The following GMDS variants were observed in gnomAD, a reference collection of about 807,000 sequenced individuals.
GMDS encodes the protein GDP-mannose 4,6 dehydratase.
Under a neutral mutation model 49.9 loss-of-function variants are expected in GMDS, and 20 were observed. The observed-to-expected ratio is 0.40, with a 90% CI of 0.28 to 0.58. The LOEUF (loss-of-function observed/expected upper bound fraction) is 0.58, where lower values mean the gene tolerates loss of function less well. Among genes scored for constraint, GMDS ranks in the 20% least tolerant of loss-of-function variants. GMDS has a pLI of 0.42. For synonymous variants in GMDS, 177 were observed against 178.6 expected (o/e 0.99, Z 0.07); for missense variants, 362 against 481.4 (o/e 0.75, Z 2.32).
chr6:1,631,061 A>G (rs1045281411), intron 9 of GMDS, among the ~76,000 whole-genome samples: 5 of 151,920 alleles, frequency 3.3e-5, no homozygotes, highest in African/African-American at 9.7e-5. Flanking sequence ...AGGTGGCAAA[A>G]CCCCGAGGAC....
In GMDS at chr6:1,930,233, A is replaced by G; in HGVS notation, c.644-3T>C. On this transcript the variant is annotated splice_region_variant and splice_polypyrimidine_tract_variant and intron_variant, in intron 6 of 10. Transcript: ENST00000380815. Reference sequence around the variant, plus strand: ...TTTTCGAGTAACGAAATTAGCTCCTAAAAAGAGGCAAAAGATGTAGTATCA... The same window carrying G: ...TTTTCGAGTAACGAAATTAGCTCCTGAAAAGAGGCAAAAGATGTAGTATCA... 2 of 1,611,978 alleles carry G rather than the reference A, an allele frequency of 1.2e-6. No homozygotes were observed. Among genetic ancestry groups the G allele is most frequent in the Non-Finnish European group, 1.7e-6 (2 of 1,178,678 alleles).
At chr6:2,204,722 C>G (rs1779708578) in intron 1 of GMDS, among the ~76,000 whole-genome samples, 1 of 152,182 alleles carries the variant, frequency 6.6e-6, no homozygotes, top group African/African-American at 2.4e-5. Flanking sequence ...CAGCACTTCC[C>G]TAGTGGACAG....
intron 9 of GMDS, among the ~76,000 whole-genome samples, chr6:1,669,659 T>C (rs1377756991): frequency 6.6e-6 from 1 of 152,082 alleles, no homozygotes; most frequent in Non-Finnish European, 1.5e-5. Context: ...ATGCCTGTAA[T>C]CCCAGCACTT....
intron 8 of GMDS, among the ~76,000 whole-genome samples, chr6:1,734,082 A>T (rs1418644697): frequency 6.6e-6 from 1 of 152,208 alleles, no homozygotes; most frequent in Admixed American, 6.5e-5. Context: ...GCGCTAGTGT[A>T]AACGGTGAAC....
At chr6:1,939,313 C>T (rs1374204455) in intron 6 of GMDS, among the ~76,000 whole-genome samples, 1 of 151,824 alleles carries the variant, frequency 6.6e-6, no homozygotes, top group African/African-American at 2.4e-5. Flanking sequence ...AGGACATCAA[C>T]GCAAATGACG....
intron 4 of GMDS, among the ~76,000 whole-genome samples, chr6:1,984,851 A>G (rs1051535650): frequency 7.2e-5 from 11 of 152,196 alleles, no homozygotes; most frequent in African/African-American, 2.4e-4. Flanking sequence ...AAATTAGAAA[A>G]TTAAAAAGGC....
chr6:2,084,711 G>A (rs945141238), intron 4 of GMDS, among the ~76,000 whole-genome samples: 1 of 152,090 alleles, frequency 6.6e-6, no homozygotes, highest in Non-Finnish European at 1.5e-5. Flanking sequence ...GTTTCACCGT[G>A]TTAGCCAGGA....
intron 1 of GMDS, among the ~76,000 whole-genome samples, chr6:2,220,828 C>T (rs1780551800): frequency 1.3e-5 from 2 of 151,948 alleles, no homozygotes; most frequent in South Asian, 2.1e-4. Flanking sequence ...GGATACTCAA[C>T]CTGTACTTGT....
At chr6:2,016,077 A>G (rs905583734) in intron 4 of GMDS, among the ~76,000 whole-genome samples, 2 of 100,944 alleles carry the variant, frequency 2.0e-5, no homozygotes, top group Non-Finnish European at 4.2e-5. Context: ...TAAAAAAAAA[A>G]AAAATAAATT....
intron 4 of GMDS, among the ~76,000 whole-genome samples, chr6:1,992,616 G>T (rs1388653438): frequency 2.0e-5 from 3 of 151,906 alleles, no homozygotes; most frequent in Admixed American, 2.0e-4. Flanking sequence ...TCCACATGAG[G>T]TCTCTGTGAC....
chr6:1,833,511 T>C lies in GMDS; in HGVS notation c.772-90925A>G, dbSNP rs1756775314. 6.6e-6 allele frequency among the ~76,000 whole-genome samples: 1 copy of C among 152,154 alleles called. No homozygotes were observed. Among genetic ancestry groups the C allele is most frequent in the Non-Finnish European group, 1.5e-5 (1 of 68,034 alleles). ...GCAGCACACATTTTTAAAACTTTTT[T>C]TTTTTGCCTTTTCTTCCTTTCCCTT... On this transcript the variant is annotated intron_variant, in intron 7 of 10. Coordinates refer to ENST00000380815, the MANE Select transcript of GMDS (RefSeq NM_001500.4). The surrounding 1 kb of genome is among the most constrained non-coding windows in gnomAD (Gnocchi z 4.4).
intron 4 of GMDS, among the ~76,000 whole-genome samples, chr6:2,076,718 C>G (rs1443710671): frequency 6.6e-6 from 1 of 152,168 alleles, no homozygotes; most frequent in Non-Finnish European, 1.5e-5. Context: ...ATGTAGAAAG[C>G]TGAAACTGGA....
chr6:1,975,164 T>C (rs1026611889), intron 4 of GMDS, among the ~76,000 whole-genome samples: 1 of 152,058 alleles, frequency 6.6e-6, no homozygotes, highest in Admixed American at 6.6e-5. Context: ...GCACACCACA[T>C]AAAGGAATAA....
At chr6:1,948,520 G>A (rs1245861585) in intron 6 of GMDS, among the ~76,000 whole-genome samples, 1 of 152,098 alleles carries the variant, frequency 6.6e-6, no homozygotes, top group Non-Finnish European at 1.5e-5. Flanking sequence ...AGCCTGGTGT[G>A]GTAGTGTACA....
intron 7 of GMDS, among the ~76,000 whole-genome samples, chr6:1,786,292 A>G (rs1769318310): frequency 6.6e-6 from 1 of 152,260 alleles, no homozygotes; most frequent in Non-Finnish European, 1.5e-5. Flanking sequence ...ATGGAAATGC[A>G]ATGCCTCAGT....
chr6:1,760,466 G>A (rs1344996226), intron 7 of GMDS, among the ~76,000 whole-genome samples: 4 of 152,176 alleles, frequency 2.6e-5, no homozygotes, highest in Admixed American at 6.5e-5. Context: ...GAAAGGAGCT[G>A]TGGGAACACA....
At chr6:1,716,996 C>T (rs751396857) in intron 9 of GMDS, among the ~76,000 whole-genome samples, 4 of 152,148 alleles carry the variant, frequency 2.6e-5, no homozygotes, top group African/African-American at 9.7e-5. Context: ...TGGTTTAGTC[C>T]GCAAAGTGAT....
chr6:2,202,369 G>T (rs148481371), intron 1 of GMDS, among the ~76,000 whole-genome samples: 1 of 151,128 alleles, frequency 6.6e-6, no homozygotes, highest in Non-Finnish European at 1.5e-5. Flanking sequence ...AGGCAGTGAG[G>T]GCAGCATGTC....
intron 1 of GMDS, among the ~76,000 whole-genome samples, chr6:2,180,867 C>T (rs903200334): frequency 6.6e-6 from 1 of 152,042 alleles, no homozygotes; most frequent in Non-Finnish European, 1.5e-5. Flanking sequence ...AACAAAAGTA[C>T]ATAAGACAGA....
Sources: allele counts gnomAD v4.1 joint callset (sites outside exome capture counted in the v4.1 genomes callset), GRCh38; gene constraint gnomAD v4.1.1; non-coding constraint Gnocchi (gnomAD v3.1); transcripts MANE v1.5; gene names NCBI Gene and HGNC (gene_info 2026-07-23, HGNC 2026-07-21).